ARVCF: variants seen among roughly 807,000 people sequenced by gnomAD.
The protein encoded by ARVCF is splicing regulator ARVCF.
In ARVCF, 66 loss-of-function variants were observed where a neutral mutation model predicts 90.9. The observed-to-expected ratio is 0.73, with a 90% CI of 0.60 to 0.89. The LOEUF (loss-of-function observed/expected upper bound fraction) is 0.89, where lower values mean the gene tolerates loss of function less well. Ranked by LOEUF, ARVCF falls within the 40% of genes least tolerant of loss-of-function variation. The pLI is 0.00. For synonymous variants in ARVCF, 653 were observed against 603.4 expected (o/e 1.08, Z -1.21); for missense variants, 1,469 against 1,382.3 (o/e 1.06, Z -1.00).
intron 2 of ARVCF, among the ~76,000 whole-genome samples, chr22:19,998,514 C>G (rs1944334952): frequency 6.6e-6 from 1 of 152,180 alleles, no homozygotes; most frequent in Non-Finnish European, 1.5e-5. Context: ...AGCTGCCCAC[C>G]CAGAAGGGTC....
rs766898813 is a variant in ARVCF, at chr22:19,981,998, T to C, written c.304A>G (p.Thr102Ala). 18 of 1,613,134 alleles carry C rather than the reference T, an allele frequency of 1.1e-5. No homozygotes were observed. The highest frequency in any genetic ancestry group is 1.5e-5 in the Non-Finnish European group (18 of 1,179,964). Residue 102 changes from threonine to alanine, a missense_variant, in exon 4 of 20, where the codon ACA (threonine) becomes GCA (alanine). Thr to Ala is a moderately conservative substitution (Grantham distance 58). Transcript: ENST00000263207. The stretch of plus-strand genomic sequence containing the variant: ...ACAATAGACACATGGGAAGTGGGTG[T>C]GCCGGGGTCCTCCTCCACCGTCACG... ...ETVTVEEDPG[T>A]PTSHVSIVTS... is the part of the protein sequence containing the mutation.
intron 2 of ARVCF, among the ~76,000 whole-genome samples, 181 bp from the exon 3 acceptor site, chr22:19,990,993 G>A (rs1316531549): frequency 1.3e-5 from 2 of 152,266 alleles, no homozygotes; most frequent in Non-Finnish European, 2.9e-5. Context: ...AGGCTGGCCG[G>A]AAGCAGCCGG....
At chr22:20,007,983 T>A (rs1944693173) in intron 2 of ARVCF, among the ~76,000 whole-genome samples, 1 of 146,410 alleles carries the variant, frequency 6.8e-6, no homozygotes, top group East Asian at 2.0e-4. Context: ...TAGGGAGAGT[T>A]GACTACACAG....
chr22:19,989,316 T>C (rs1943939064), intron 3 of ARVCF, among the ~76,000 whole-genome samples: 1 of 152,156 alleles, frequency 6.6e-6, no homozygotes, highest in East Asian at 1.9e-4. Context: ...ACTCTCACCA[T>C]GCACTGGTGC....
At chr22:19,968,863 C>T (rs1942586049), downstream of ARVCF, 6 of 857,388 alleles carry the variant, frequency 7.0e-6, no homozygotes, top group South Asian at 8.8e-5. Context: ...CGGCCGAGGC[C>T]TGCGCCCTGA....
intron 18 of ARVCF, among the ~76,000 whole-genome samples, chr22:19,971,667 G>A (rs569857258): frequency 1.3e-5 from 2 of 152,322 alleles, no homozygotes; most frequent in Non-Finnish European, 2.9e-5. Context: ...GGCCCATGCA[G>A]GGTGTGGCCG....
intron 4 of ARVCF, 52 bp from the exon 5 acceptor site, chr22:19,981,789 G>T (rs1230698584): frequency 6.5e-7 from 1 of 1,549,544 alleles, no homozygotes; most frequent in African/African-American, 1.4e-5. Context: ...CCTAGAAACT[G>T]CTTTGCTGGG....
At chr22:20,005,058 T>C (rs1944572221) in intron 2 of ARVCF, among the ~76,000 whole-genome samples, 1 of 152,220 alleles carries the variant, frequency 6.6e-6, no homozygotes, top group Admixed American at 6.5e-5. Context: ...AAATTTAAAA[T>C]GTATGTTCAT....
At chr22:20,011,418 ATT>A (rs1944827345) in intron 1 of ARVCF, among the ~76,000 whole-genome samples, 1 of 151,992 alleles carries the variant, frequency 6.6e-6, no homozygotes, top group African/African-American at 2.4e-5. Flanking sequence ...TGTTTTCTAG[ATT>A]GTTCTGAGGC....
downstream of ARVCF, chr22:19,969,160 C>G (rs1420692003): frequency 5.4e-6 from 1 of 186,862 alleles, no homozygotes; most frequent in African/African-American, 2.4e-5. Context: ...TTCTGGGTGG[C>G]ACGCCTGGCC....
intron 1 of ARVCF, among the ~76,000 whole-genome samples, chr22:20,010,979 G>C (rs1017679580): frequency 6.6e-6 from 1 of 152,250 alleles, no homozygotes; most frequent in African/African-American, 2.4e-5. Context: ...GGCCAACATA[G>C]ATCCTGGGCC....
intron 9 of ARVCF, 48 bp downstream of exon 9, chr22:19,977,367 G>C: frequency 6.8e-7 from 1 of 1,469,040 alleles, no homozygotes; most frequent in Non-Finnish European, 9.0e-7. Flanking sequence ...CTTCCGCTGG[G>C]GCAGGAGTTG....
At chr22:19,984,812 C>T (rs1251852629) in intron 3 of ARVCF, among the ~76,000 whole-genome samples, 1 of 152,208 alleles carries the variant, frequency 6.6e-6, no homozygotes, top group African/African-American at 2.4e-5. Flanking sequence ...GGGACAGGGG[C>T]CACCAACTCT....
chr22:19,967,870 A>G (rs551201247), downstream of ARVCF, among the ~76,000 whole-genome samples: 1 of 152,352 alleles, frequency 6.6e-6, no homozygotes, highest in African/African-American at 2.4e-5. Flanking sequence ...CAAGCATCCT[A>G]TGAGGTTTCT....
downstream of ARVCF, chr22:19,968,595 T>C: frequency 6.2e-7 from 1 of 1,614,060 alleles, no homozygotes; most frequent in African/African-American, 1.3e-5. Flanking sequence ...TCTGCCCAGG[T>C]GCGCCAGACT....
Position 19,971,872 on chromosome 22 carries a change from A to T in ARVCF, c.2781+14T>A, listed in dbSNP as rs758304166. 3 of 1,613,056 alleles carry T rather than the reference A, an allele frequency of 1.9e-6. No individual in the cohort carries two copies. In the Admixed American group the frequency reaches 5.0e-5, roughly 27 times the overall value. ...CCTCACCGGGGACCTGCCCACAGCC[A>T]CATGACCACTTACTTTCAAGGGTTC... is the stretch of plus-strand genomic sequence containing the variant. On this transcript the variant is annotated intron_variant, in intron 18 of 19. Coordinates refer to ENST00000263207, the MANE Select transcript of ARVCF (RefSeq NM_001670.3).
At chr22:19,979,668 G>T in intron 6 of ARVCF, 75 bp downstream of exon 6, 1 of 1,482,614 alleles carries the variant, frequency 6.7e-7, no homozygotes. Context: ...CAGGCCGAGT[G>T]GCCTCGTTCC....
intron 2 of ARVCF, among the ~76,000 whole-genome samples, chr22:20,005,018 A>G (rs554883262): frequency 6.6e-6 from 1 of 152,370 alleles, no homozygotes; most frequent in African/African-American, 2.4e-5. Flanking sequence ...AACACAGGCA[A>G]CAGAAGGAAA....
intron 7 of ARVCF, 66 bp downstream of exon 7, chr22:19,978,831 C>A: frequency 6.5e-7 from 1 of 1,538,052 alleles, no homozygotes; most frequent in Non-Finnish European, 8.8e-7. Context: ...ATCTTCCACA[C>A]TATCTGGGAC....
Sources: gnomAD v4.1 joint callset for allele counts (sites outside exome capture counted in the v4.1 genomes callset) on GRCh38, gnomAD v4.1.1 for gene constraint, MANE v1.5 for transcripts, NCBI Gene and HGNC (gene_info 2026-07-23, HGNC 2026-07-21) for gene names.